TRIM2: variants seen among roughly 807,000 people sequenced by gnomAD.
The protein encoded by TRIM2 is tripartite motif containing 2, also known as tripartite motif-containing protein 2.
TRIM2 carries 20 observed loss-of-function variants against 75.2 expected under a neutral mutation model. The observed-to-expected ratio is 0.27, with a 90% CI of 0.19 to 0.39. TRIM2 has a LOEUF of 0.39. TRIM2 is among the 10% of genes least tolerant of loss of function. The pLI, the probability that TRIM2 is intolerant of heterozygous loss-of-function variation, is 1.00. For missense variants in TRIM2, 660 were observed against 990.8 expected (o/e 0.67, Z 4.48); for synonymous variants, 373 against 388.3 (o/e 0.96, Z 0.46).
intron 3 of TRIM2, among the ~76,000 whole-genome samples, chr4:153,284,958 C>A (rs970183037): frequency 6.6e-6 from 1 of 152,088 alleles, no homozygotes; most frequent in African/African-American, 2.4e-5. Flanking sequence ...AGCCTAATTT[C>A]TCTATTTTTT....
Position 153,336,427 on chromosome 4 carries a change from T to G in TRIM2, c.*1461T>G. The G allele has an allele frequency of 1.0e-6, 1 of 984,904 alleles. No homozygotes were observed. The highest frequency in any genetic ancestry group is 1.2e-6 in the Non-Finnish European group (1 of 829,378). The allele number at this position is 984,904 out of a possible 1,614,324, so 61.0% of individuals were successfully genotyped here. A position where few individuals can be genotyped will look rare whatever the true frequency, so the allele number is the denominator to read the frequency against. ...AAATAAAAGTTGAACTTGAGTTACA[T>G]TTAATTTAAATATAAATGCATTTTG... On this transcript the variant is annotated 3_prime_UTR_variant, in exon 12 of 12. Transcript: ENST00000338700.
chr4:153,317,432 AGGT>A (rs1381621592), intron 8 of TRIM2, among the ~76,000 whole-genome samples: 36 of 147,212 alleles, frequency 2.4e-4, no homozygotes, highest in Admixed American at 8.1e-4. Flanking sequence ...GCGGATCACA[AGGT>A]CAGGAGATCG....
intron 1 of TRIM2, among the ~76,000 whole-genome samples, chr4:153,256,656 G>T (rs1752136505): frequency 6.6e-6 from 1 of 152,090 alleles, no homozygotes; most frequent in African/African-American, 2.4e-5. Flanking sequence ...TAATGACTTG[G>T]CAGGAAATTA....
At chr4:153,324,027 G>A (rs1171123357) in intron 9 of TRIM2, 51 bp from the exon 10 acceptor site, 6 of 1,435,768 alleles carry the variant, frequency 4.2e-6, no homozygotes, top group Non-Finnish European at 4.9e-6. Flanking sequence ...ACTGCTATAT[G>A]TAATCACTTT....
At chr4:153,262,165 G>A (rs778750113) in intron 1 of TRIM2, among the ~76,000 whole-genome samples, 48 of 152,196 alleles carry the variant, frequency 3.2e-4, no homozygotes, top group Non-Finnish European at 3.5e-4. Flanking sequence ...AGATACAGCC[G>A]ATTTACCAAG....
chr4:153,289,889 C>T (rs1170185903), intron 3 of TRIM2, among the ~76,000 whole-genome samples: 1 of 152,156 alleles, frequency 6.6e-6, no homozygotes, highest in East Asian at 1.9e-4. Context: ...TTATATTTGC[C>T]CCAACACCCG....
At chr4:153,204,587 A>C in intron 1 of TRIM2, 27 bp downstream of exon 1, 2 of 1,551,696 alleles carry the variant, frequency 1.3e-6, no homozygotes, top group Non-Finnish European at 1.7e-6. Context: ...ATGTGGGATA[A>C]TTCTTTTTCT....
At chr4:153,277,145 T>C (rs1758205768) in intron 3 of TRIM2, among the ~76,000 whole-genome samples, 1 of 152,236 alleles carries the variant, frequency 6.6e-6, no homozygotes, top group South Asian at 2.1e-4. Flanking sequence ...CTCTGCACAC[T>C]GTGCTGGAGC....
chr4:153,156,406 G>T (rs1454092065), intron 1 of TRIM2, among the ~76,000 whole-genome samples: 1 of 152,118 alleles, frequency 6.6e-6, no homozygotes, highest in East Asian at 1.9e-4. Context: ...AATTAAGGAG[G>T]CTGCCCCCTG....
At position 153,328,540 on chromosome 4, in the gene TRIM2, A is replaced by G. The variant is rs2149583488; in HGVS notation, c.2033A>G (p.Gln678Arg). Residue 678 changes from glutamine to arginine, a missense_variant, in exon 11 of 12, where the codon CAG becomes CGG. Gln to Arg is a conservative substitution (Grantham distance 43, BLOSUM62 1). Transcript: ENST00000338700. ...AAATATTTCATACAGGTGTTTAATC[A>G]GGAAGGAGAATTCATGTTGAAGTTT... ...FHNHSVKVFN[Q>R]EGEFMLKFGS... is the part of the protein sequence containing the mutation. The G allele has an allele frequency of 1.2e-5, 20 of 1,608,674 alleles. No individual in the cohort carries two copies. The highest frequency in any genetic ancestry group is 1.7e-5 in the Non-Finnish European group (20 of 1,177,998).
intron 2 of TRIM2, among the ~76,000 whole-genome samples, chr4:153,271,404 A>G (rs1332099035): frequency 6.6e-6 from 1 of 152,194 alleles, no homozygotes; most frequent in Non-Finnish European, 1.5e-5. Context: ...CAAATATCTG[A>G]TTTAACATGT....
At chr4:153,210,110 G>A (rs544719948) in intron 1 of TRIM2, among the ~76,000 whole-genome samples, 55 of 145,640 alleles carry the variant, frequency 3.8e-4, no homozygotes, top group African/African-American at 1.4e-3. Flanking sequence ...TGTTGCCCAG[G>A]CTGGAGAGCA....
intron 1 of TRIM2, among the ~76,000 whole-genome samples, chr4:153,261,223 AC>A (rs1367401478): frequency 2.0e-5 from 3 of 152,194 alleles, no homozygotes; most frequent in Non-Finnish European, 4.4e-5. Flanking sequence ...GGAGTTCGAG[AC>A]CAGCCTGGCC....
intron 1 of TRIM2, among the ~76,000 whole-genome samples, chr4:153,180,229 T>C (rs1731911229): frequency 6.6e-6 from 1 of 152,348 alleles, no homozygotes; most frequent in South Asian, 2.1e-4. Flanking sequence ...GGTACATTTT[T>C]CATTATTTTG....
intron 1 of TRIM2, among the ~76,000 whole-genome samples, chr4:153,208,497 T>C (rs924121626): frequency 1.3e-5 from 2 of 152,144 alleles, no homozygotes; most frequent in African/African-American, 4.8e-5. Context: ...AATTTGTCAC[T>C]ATCTAAAATT....
chr4:153,241,621 C>T (rs1358514870), intron 1 of TRIM2, among the ~76,000 whole-genome samples: 1 of 152,144 alleles, frequency 6.6e-6, no homozygotes, highest in African/African-American at 2.4e-5. Flanking sequence ...GCAGAGAACC[C>T]AGGGAGCAGG....
intron 3 of TRIM2, among the ~76,000 whole-genome samples, chr4:153,279,942 C>CAA (rs3048123): frequency 1.5e-3 from 158 of 104,152 alleles, no homozygotes; most frequent in African/African-American, 4.6e-3. Context: ...GACTCTGTCT[C>CAA]AAAAAAAAAA....
intron 1 of TRIM2, among the ~76,000 whole-genome samples, chr4:153,190,774 G>A (rs1472796502): frequency 6.6e-6 from 1 of 152,090 alleles, no homozygotes; most frequent in Non-Finnish European, 1.5e-5. Context: ...GTCTCACTCT[G>A]TTGCCCAGGC....
At chr4:153,283,932 G>A (rs1759986635) in intron 3 of TRIM2, among the ~76,000 whole-genome samples, 1 of 139,744 alleles carries the variant, frequency 7.2e-6, no homozygotes, top group South Asian at 2.3e-4. Context: ...ATGCAGTGGT[G>A]CAATCTCAGC....
Sources: allele counts gnomAD v4.1 joint callset (sites outside exome capture counted in the v4.1 genomes callset), GRCh38; gene constraint gnomAD v4.1.1; transcripts MANE v1.5; gene names NCBI Gene and HGNC (gene_info 2026-07-23, HGNC 2026-07-21).